Variants in TMPRSS2 observed in about 807,000 individuals in gnomAD.
TMPRSS2 encodes transmembrane protease serine 2.
TMPRSS2 carries 59 observed loss-of-function variants against 67.4 expected under a neutral mutation model. The ratio of observed to expected loss-of-function variants is 0.88; its 90% CI spans 0.71 to 1.09. TMPRSS2 has a LOEUF of 1.09. Ranked by LOEUF, TMPRSS2 falls within the 50% of genes least tolerant of loss-of-function variation. The pLI, the probability that TMPRSS2 is intolerant of heterozygous loss-of-function variation, is 0.00. For synonymous variants in TMPRSS2, 257 were observed against 257.0 expected, an observed-to-expected ratio of 1.00 and a Z score of 0.00; for missense variants, 668 against 642.7, an observed-to-expected ratio of 1.04 and a Z score of -0.43.
intron 1 of TMPRSS2, among the ~76,000 whole-genome samples, chr21:41,507,533 A>T (rs1000854682): frequency 6.6e-6 from 1 of 152,068 alleles, no homozygotes; most frequent in African/African-American, 2.4e-5. Context: ...CGCCGGCCGT[A>T]TCGTTCCCGG....
intron 7 of TMPRSS2, among the ~76,000 whole-genome samples, chr21:41,477,206 CT>C (rs1042598250): frequency 1.1e-4 from 17 of 152,252 alleles, no homozygotes; most frequent in Admixed American, 9.8e-4. Context: ...CTGGCCCGCC[CT>C]GATAGCTGGG....
chr21:41,473,306 C>A lies in TMPRSS2; in HGVS notation c.899+19G>T. 1 of 1,564,086 alleles carries A rather than the reference C, an allele frequency of 6.4e-7. No homozygotes were observed. Among genetic ancestry groups the A allele is most frequent in the South Asian group, 1.2e-5 (1 of 86,254 alleles). Reference sequence around the variant, plus strand: ...GCCAGCCCTGAGCCCCCACCCGGCCCGCGCCGCCCCTGGCATACTTTTCCA... The same window carrying A: ...GCCAGCCCTGAGCCCCCACCCGGCCAGCGCCGCCCCTGGCATACTTTTCCA... On this transcript the variant is annotated intron_variant, in intron 9 of 13. Transcript: ENST00000332149.
chr21:41,470,084 T>C (rs1270876159), intron 11 of TMPRSS2, among the ~76,000 whole-genome samples: 1 of 152,162 alleles, frequency 6.6e-6, no homozygotes, highest in African/African-American at 2.4e-5. Context: ...ATATAAACAA[T>C]ATGTAAAATG....
At chr21:41,507,956 C>T (rs1946021101) in intron 1 of TMPRSS2, 125 bp downstream of exon 1, 1 of 1,478,878 alleles carries the variant, frequency 6.8e-7, no homozygotes, top group South Asian at 1.3e-5. Flanking sequence ...TCACCTGCCG[C>T]GCCGCGCTCC....
At chr21:41,485,020 G>A (rs772221198) in intron 5 of TMPRSS2, among the ~76,000 whole-genome samples, 3 of 151,858 alleles carry the variant, frequency 2.0e-5, no homozygotes, top group Non-Finnish European at 2.9e-5. Context: ...AAGCAACTCA[G>A]ATGAGTTGCC....
At chr21:41,483,512 C>T (rs1404041464) in intron 5 of TMPRSS2, among the ~76,000 whole-genome samples, 2 of 152,026 alleles carry the variant, frequency 1.3e-5, no homozygotes, top group Non-Finnish European at 2.9e-5. Flanking sequence ...GAACTCCTGA[C>T]CTCAGGCGAT....
chr21:41,484,188 C>T (rs959412140), intron 5 of TMPRSS2, among the ~76,000 whole-genome samples: 6 of 152,262 alleles, frequency 3.9e-5, no homozygotes, highest in South Asian at 2.1e-4. Flanking sequence ...AAATGCTCAC[C>T]ATAATAAAGC....
chr21:41,507,960 G>A (rs1445793930), intron 1 of TMPRSS2, 121 bp downstream of exon 1: 1 of 1,476,878 alleles, frequency 6.8e-7, no homozygotes, highest in Non-Finnish European at 8.9e-7. Flanking sequence ...CTGCCGCGCC[G>A]CGCTCCTCAC....
At chr21:41,472,617 G>A (rs1341422184) in intron 9 of TMPRSS2, among the ~76,000 whole-genome samples, 2 of 152,176 alleles carry the variant, frequency 1.3e-5, no homozygotes, top group Non-Finnish European at 2.9e-5. Flanking sequence ...AACAGCCCGA[G>A]AGGAGAAGGG....
chr21:41,479,162 T>G lies in TMPRSS2; in HGVS notation c.683+10A>C. 4.4e-6 allele frequency: 7 copies of G among 1,605,924 alleles called. No individual in the cohort carries two copies. The highest frequency in any genetic ancestry group is 6.0e-6 in the Non-Finnish European group (7 of 1,174,570). ...ATTCCAAAATTTTTCAAGAAGAAAT[T>G]GCTGCATACCTGTGGTACAGTTTTT... On this transcript the variant is annotated intron_variant, in intron 7 of 13. Coordinates refer to ENST00000332149, the MANE Select transcript of TMPRSS2 (RefSeq NM_005656.4).
rs76663115 is a variant in TMPRSS2 at position 41,466,167 on chromosome 21, A to G, written c.1468-14T>C. 6.7e-7 allele frequency: 1 copy of G among 1,492,696 alleles called. No homozygotes were observed. Among genetic ancestry groups the G allele is most frequent in the South Asian group, 1.2e-5 (1 of 80,996 alleles). The allele number at this position is 1,492,696 out of a possible 1,614,324, so 92.5% of individuals were successfully genotyped here. The stretch of plus-strand genomic sequence containing the variant: ...TTAGCCGTCTGCCTGTTCAAATAGG[A>G]AAAAAAAAAGTGTGTTATTTTCTTA... On this transcript the variant is annotated splice_polypyrimidine_tract_variant and intron_variant, in intron 13 of 13. Coordinates refer to ENST00000332149, the MANE Select transcript of TMPRSS2 (RefSeq NM_005656.4).
rs867935264 is a variant in TMPRSS2, at chr21:41,494,264, G to A, written c.238+92C>T. On this transcript the variant is annotated intron_variant, in intron 3 of 13. Coordinates refer to ENST00000332149, the MANE Select transcript of TMPRSS2 (RefSeq NM_005656.4). Reference sequence around the variant, plus strand: ...GAGAAGGGTCAGACCAGGAGAGGTGGCGACAGTGGTGTTGGGAGCAGAGAG... The same window carrying A: ...GAGAAGGGTCAGACCAGGAGAGGTGACGACAGTGGTGTTGGGAGCAGAGAG... 22 of 1,328,896 alleles carry A rather than the reference G, an allele frequency of 1.7e-5. No homozygotes were observed. In the Admixed American group the frequency reaches 2.3e-4, roughly 14 times the overall value. The allele number at this position is 1,328,896 out of a possible 1,614,324, so 82.3% of individuals were successfully genotyped here. A position where few individuals can be genotyped will look rare whatever the true frequency, so the allele number is the denominator to read the frequency against.
chr21:41,466,264 C>G, intron 13 of TMPRSS2, 111 bp from the exon 14 acceptor site: 1 of 1,025,922 alleles, frequency 9.7e-7, no homozygotes, highest in Non-Finnish European at 1.5e-6. Flanking sequence ...AATAAGCAAG[C>G]TTAATAGCAC....
intron 4 of TMPRSS2, among the ~76,000 whole-genome samples, chr21:41,488,864 C>T (rs961260011): frequency 6.6e-6 from 1 of 152,212 alleles, no homozygotes; most frequent in Non-Finnish European, 1.5e-5. Flanking sequence ...TGGTCTCAAA[C>T]TCCTGACCTC....
chr21:41,477,254 C>A (rs886548929), intron 7 of TMPRSS2, among the ~76,000 whole-genome samples: 1 of 152,166 alleles, frequency 6.6e-6, no homozygotes, highest in African/African-American at 2.4e-5. Flanking sequence ...TTTCACTGAG[C>A]GTCAATATCG....
intron 12 of TMPRSS2, 24 bp downstream of exon 12, chr21:41,468,372 G>T: frequency 6.2e-7 from 1 of 1,613,748 alleles, no homozygotes; most frequent in South Asian, 1.1e-5. Context: ...AAGGACCAAA[G>T]GTAGAATAAA....
At chr21:41,480,641 T>C in intron 5 of TMPRSS2, 39 bp from the exon 6 acceptor site, 2 of 1,606,350 alleles carry the variant, frequency 1.2e-6, no homozygotes, top group Non-Finnish European at 1.7e-6. Flanking sequence ...TTTCTTTCTT[T>C]TTTTTTCTTT....
chr21:41,501,676 G>T (rs1044636581), intron 1 of TMPRSS2, among the ~76,000 whole-genome samples: 4 of 151,384 alleles, frequency 2.6e-5, no homozygotes, highest in Admixed American at 6.6e-5. Context: ...ATAAAACAAG[G>T]GGGGGAATGT....
intron 1 of TMPRSS2, among the ~76,000 whole-genome samples, chr21:41,504,224 C>T (rs1410926620): frequency 6.6e-6 from 1 of 152,220 alleles, no homozygotes; most frequent in Admixed American, 6.5e-5. Flanking sequence ...AACCACAAGC[C>T]AAGGTGCCCT....
Sources: gnomAD v4.1 joint callset for allele counts (sites outside exome capture counted in the v4.1 genomes callset) on GRCh38, gnomAD v4.1.1 for gene constraint, MANE v1.5 for transcripts, NCBI Gene and HGNC (gene_info 2026-07-23, HGNC 2026-07-21) for gene names.